The following HECW1 variants were observed in gnomAD, a reference collection of about 807,000 sequenced individuals.
HECW1 encodes E3 ubiquitin-protein ligase HECW1.
In HECW1, 61 loss-of-function variants were observed where a neutral mutation model predicts 182.3. The ratio of observed to expected loss-of-function variants is 0.33; its 90% CI spans 0.27 to 0.41. The LOEUF is 0.41. HECW1 is among the 10% of genes least tolerant of loss of function. The pLI is 1.00. For missense variants in HECW1, 1,739 were observed against 2,108.9 expected, an observed-to-expected ratio of 0.82 and a Z score of 3.44; for synonymous variants, 859 against 832.6, an observed-to-expected ratio of 1.03 and a Z score of -0.55.
intron 24 of HECW1, among the ~76,000 whole-genome samples, chr7:43,526,944 G>A (rs900493080): frequency 2.0e-5 from 3 of 152,144 alleles, no homozygotes; most frequent in East Asian, 1.9e-4. Flanking sequence ...GCAGTGAGCC[G>A]AGATCGCATC....
At chr7:43,342,845 G>T (rs1184659595) in intron 5 of HECW1, among the ~76,000 whole-genome samples, 1 of 147,320 alleles carries the variant, frequency 6.8e-6, no homozygotes, top group African/African-American at 2.5e-5. Flanking sequence ...CTAACACAGG[G>T]AAACCCTGTC....
intron 2 of HECW1, among the ~76,000 whole-genome samples, chr7:43,228,296 G>A (rs1360432164): frequency 1.3e-5 from 2 of 151,672 alleles, no homozygotes; most frequent in Non-Finnish European, 2.9e-5. Context: ...GACCAGCCTG[G>A]GCAACATACA....
At chr7:43,523,241 T>G (rs10272727) in intron 24 of HECW1, 141,278 of 219,474 alleles carry the variant, frequency 0.64, 46,819 homozygotes, top group African/African-American at 0.84. Flanking sequence ...CTGACCTCAG[T>G]TGATTCACCT....
chr7:43,481,058 A>T (rs979761356), intron 17 of HECW1, among the ~76,000 whole-genome samples: 4 of 152,168 alleles, frequency 2.6e-5, no homozygotes, highest in Non-Finnish European at 5.9e-5. Context: ...AAGCATGCTA[A>T]ATCTTTCTTT....
intron 12 of HECW1, among the ~76,000 whole-genome samples, chr7:43,454,806 A>G (rs184104839): frequency 1.2e-4 from 19 of 152,380 alleles, no homozygotes; most frequent in Admixed American, 1.1e-3. Flanking sequence ...AACTGTTAGT[A>G]TCTGACCTAC....
rs141305195 is a variant in HECW1, at chr7:43,199,502, G to A, written c.-31-44373G>A. On this transcript the variant is annotated intron_variant, in intron 2 of 29. Coordinates refer to ENST00000395891, the MANE Select transcript of HECW1 (RefSeq NM_015052.5). ...CTTACATTTCTATTTCACCAACCCC[G>A]CTGCATTTTATCCTAATATAGTATA... Among the ~76,000 whole-genome samples, 15 of 152,018 alleles carry A rather than the reference G, an allele frequency of 9.9e-5. No homozygotes were observed. The East Asian group carries it at 2.1e-3, about 22-fold the overall frequency.
intron 2 of HECW1, among the ~76,000 whole-genome samples, chr7:43,163,561 T>C (rs376113794): frequency 4.3e-4 from 65 of 152,270 alleles, no homozygotes; most frequent in African/African-American, 1.4e-3. Flanking sequence ...ATGCCAGTTA[T>C]CCAGGGAGCT....
At chr7:43,299,584 T>G (rs569040597) in intron 3 of HECW1, among the ~76,000 whole-genome samples, 2 of 152,390 alleles carry the variant, frequency 1.3e-5, no homozygotes, top group East Asian at 1.9e-4. Flanking sequence ...CCCTTCCTTT[T>G]AGCTCTGAAA....
intron 2 of HECW1, among the ~76,000 whole-genome samples, chr7:43,191,664 C>T (rs138029976): frequency 0.012 from 1,825 of 152,270 alleles, 18 homozygotes; most frequent in Non-Finnish European, 0.018. Flanking sequence ...TACTCATTCT[C>T]GGGACTTAAC....
At chr7:43,379,557 C>A (rs747561731) in intron 6 of HECW1, among the ~76,000 whole-genome samples, 2 of 152,210 alleles carry the variant, frequency 1.3e-5, no homozygotes, top group Non-Finnish European at 2.9e-5. Flanking sequence ...TTTTCACCAT[C>A]ATTCCTGCTG....
chr7:43,172,202 G>A (rs1448946831), intron 2 of HECW1, among the ~76,000 whole-genome samples: 6 of 151,814 alleles, frequency 4.0e-5, no homozygotes, highest in African/African-American at 9.7e-5. Flanking sequence ...GCTAAGGCAC[G>A]AGAATCACTT....
At chr7:43,521,084 CT>C (rs2080449228) in intron 24 of HECW1, among the ~76,000 whole-genome samples, 1 of 152,208 alleles carries the variant, frequency 6.6e-6, no homozygotes, top group Non-Finnish European at 1.5e-5. Flanking sequence ...GAGTCTCAGC[CT>C]CCTAGTTCAC....
intron 8 of HECW1, among the ~76,000 whole-genome samples, chr7:43,416,207 G>A (rs60834642): frequency 0.25 from 36,928 of 149,594 alleles, 5,468 homozygotes; most frequent in East Asian, 0.71. Flanking sequence ...ATGGGTTTTC[G>A]GTGTGGATGT....
At chr7:43,340,752 G>A (rs753737563) in intron 5 of HECW1, among the ~76,000 whole-genome samples, 55 of 151,574 alleles carry the variant, frequency 3.6e-4, no homozygotes, top group Admixed American at 1.2e-3. Context: ...ACAGTGTGGC[G>A]ATTCCTCAAG....
At chr7:43,186,164 A>C (rs1285632028) in intron 2 of HECW1, among the ~76,000 whole-genome samples, 2 of 152,246 alleles carry the variant, frequency 1.3e-5, no homozygotes, top group Admixed American at 1.3e-4. Flanking sequence ...GGATTCCATT[A>C]GAACACACCT....
intron 3 of HECW1, among the ~76,000 whole-genome samples, chr7:43,294,224 C>T (rs576684171): frequency 6.6e-6 from 1 of 152,348 alleles, no homozygotes; most frequent in South Asian, 2.1e-4. Flanking sequence ...TGCTGCATCT[C>T]CTAGGACCAC....
intron 2 of HECW1, among the ~76,000 whole-genome samples, chr7:43,116,285 G>A (rs1472358873): frequency 1.3e-5 from 2 of 152,102 alleles, no homozygotes; most frequent in Non-Finnish European, 2.9e-5. Context: ...TCTGATAACT[G>A]CTCTGTTCTG....
chr7:43,338,708 CTT>C (rs368015377), intron 5 of HECW1, among the ~76,000 whole-genome samples: 7 of 152,116 alleles, frequency 4.6e-5, no homozygotes, highest in African/African-American at 1.4e-4. Context: ...AAAGGGAACT[CTT>C]TCACGTAAAC....
At chr7:43,519,872 A>C (rs1378642226) in intron 24 of HECW1, among the ~76,000 whole-genome samples, 1 of 152,216 alleles carries the variant, frequency 6.6e-6, no homozygotes, top group Admixed American at 6.5e-5. Context: ...GTAAATATAA[A>C]TATATTAGTA....
Sources: gnomAD v4.1 joint callset for allele counts (sites outside exome capture counted in the v4.1 genomes callset) on GRCh38, gnomAD v4.1.1 for gene constraint, MANE v1.5 for transcripts, NCBI Gene and HGNC (gene_info 2026-07-23, HGNC 2026-07-21) for gene names.